DNAH11: variants seen among roughly 807,000 people sequenced by gnomAD.
DNAH11 encodes the protein axonemal beta dynein heavy chain 11.
DNAH11 carries 442 observed loss-of-function variants against 526.0 expected under a neutral mutation model. That is an observed-to-expected ratio of 0.84 (90% CI 0.78 to 0.91). DNAH11 has a LOEUF of 0.91. Ranked by LOEUF, DNAH11 falls within the 40% of genes least tolerant of loss-of-function variation. The pLI, the probability that DNAH11 is intolerant of heterozygous loss-of-function variation, is 0.00. For missense variants in DNAH11, 6,989 were observed against 5,448.7 expected, an observed-to-expected ratio of 1.28 and a Z score of -8.90; for synonymous variants, 2,461 against 1,935.9, an observed-to-expected ratio of 1.27 and a Z score of -7.12.
At chr7:21,706,262 A>G (rs1208177046) in intron 39 of DNAH11, among the ~76,000 whole-genome samples, 1 of 151,896 alleles carries the variant, frequency 6.6e-6, no homozygotes, top group Non-Finnish European at 1.5e-5. Flanking sequence ...CAGTCCTGGA[A>G]ACATACTTAT....
chr7:21,900,783 G>A, intron 81 of DNAH11: 1 of 475,978 alleles, frequency 2.1e-6, no homozygotes, highest in Non-Finnish European at 3.4e-6. Context: ...TACTTCCACA[G>A]GAAAGTTTAA....
rs1785082016 is a variant in DNAH11 at position 21,725,914 on chromosome 7, A to C, written c.7370A>C (p.Lys2457Thr). ...GTIFDYYVDH[K>T]TKKLLPWADK... ...ATCTTTGATTATTATGTGGACCACA[A>C]AACTAAGAAATTATTGCCCTGGGCT... The change falls in exon 45 of 82, where the codon AAA (lysine) becomes ACA (threonine). Residue 2457 changes from lysine (K) to threonine (T), a missense_variant. Physicochemically the swap from Lys to Thr is moderately conservative, Grantham distance 78. Coordinates refer to ENST00000409508, the MANE Select transcript of DNAH11 (RefSeq NM_001277115.2). 6.3e-7 allele frequency: 1 copy of C among 1,583,870 alleles called. No homozygotes were observed. Among genetic ancestry groups the C allele is most frequent in the Non-Finnish European group, 8.6e-7 (1 of 1,163,856 alleles).
At chr7:21,605,451 A>G (rs1250380437) in intron 18 of DNAH11, among the ~76,000 whole-genome samples, 3 of 152,212 alleles carry the variant, frequency 2.0e-5, no homozygotes, top group East Asian at 1.9e-4. Context: ...TCCTATTTGC[A>G]TTGTAGGCAG....
chr7:21,785,957 A>G (rs1423073667), intron 58 of DNAH11, among the ~76,000 whole-genome samples: 3 of 152,220 alleles, frequency 2.0e-5, no homozygotes, highest in Non-Finnish European at 4.4e-5. Flanking sequence ...ATCATGTATT[A>G]AATATCATAA....
Position 21,564,168 on chromosome 7 carries a change from G to A in DNAH11, c.983-18G>A, listed in dbSNP as rs2128433406. 6.5e-7 allele frequency: 1 copy of A among 1,527,526 alleles called. No homozygotes were observed. The allele number at this position is 1,527,526 out of a possible 1,614,324, so 94.6% of individuals were successfully genotyped here. Reference sequence around the variant, plus strand: ...AAAACAAACCAGAATCACGTTAATGGTGGTTCTTTGCTTTCAGCTCTTCTC... The same window carrying A: ...AAAACAAACCAGAATCACGTTAATGATGGTTCTTTGCTTTCAGCTCTTCTC... On this transcript the variant is annotated intron_variant, in intron 5 of 81. Transcript: ENST00000409508.
chr7:21,754,270 A>T (rs1314993568), intron 54 of DNAH11, among the ~76,000 whole-genome samples: 1 of 152,210 alleles, frequency 6.6e-6, no homozygotes, highest in Non-Finnish European at 1.5e-5. Context: ...TCAAAGAAGT[A>T]TCTACCTAGT....
In DNAH11 at chr7:21,786,691, T is replaced by G; in HGVS notation, c.9665T>G (p.Val3222Gly). 11 of 1,613,836 alleles carry G rather than the reference T, an allele frequency of 6.8e-6. No homozygotes were observed. Among genetic ancestry groups the G allele is most frequent in the Non-Finnish European group, 8.5e-6 (10 of 1,179,778 alleles). Residue 3222 changes from valine (V) to glycine (G), a missense_variant, in exon 59 of 82, where the codon GTG becomes GGG. Val to Gly is a moderately radical substitution (Grantham distance 109). Coordinates refer to ENST00000409508, the MANE Select transcript of DNAH11 (RefSeq NM_001277115.2). ...GCAGTTACCAATGTTACTGCAGCCGTGATGGTCCTTCTGGCTCCTCGGGGA... is the reference window on the plus strand; with the variant it reads ...GCAGTTACCAATGTTACTGCAGCCGGGATGGTCCTTCTGGCTCCTCGGGGA... Reference protein sequence around the residue: ...PIAVTNVTAAVMVLLAPRGRV... With the variant: ...PIAVTNVTAAGMVLLAPRGRV...
chr7:21,735,027 G>A (rs562889602), intron 45 of DNAH11, among the ~76,000 whole-genome samples: 211 of 151,900 alleles, frequency 1.4e-3, no homozygotes, highest in African/African-American at 4.9e-3. Context: ...AAAATTAGCC[G>A]GGCGTGGTGG....
intron 2 of DNAH11, among the ~76,000 whole-genome samples, chr7:21,548,202 C>T (rs1052952643): frequency 2.3e-5 from 3 of 129,400 alleles, no homozygotes; most frequent in African/African-American, 8.9e-5. Context: ...TTGGGAATGA[C>T]AACACTTCCC....
chr7:21,827,732 T>G (rs189940674), intron 65 of DNAH11, among the ~76,000 whole-genome samples: 3 of 152,200 alleles, frequency 2.0e-5, no homozygotes, highest in African/African-American at 7.2e-5. Context: ...AAAGTTATGC[T>G]AAGATTAAGA....
intron 54 of DNAH11, among the ~76,000 whole-genome samples, chr7:21,751,046 G>A (rs547838745): frequency 2.0e-5 from 3 of 152,192 alleles, no homozygotes; most frequent in African/African-American, 4.8e-5. Context: ...CAGATGGGCC[G>A]GGTGCAGTGG....
intron 36 of DNAH11, among the ~76,000 whole-genome samples, chr7:21,700,751 C>T (rs1311979911): frequency 2.0e-5 from 3 of 152,082 alleles, no homozygotes; most frequent in Non-Finnish European, 2.9e-5. Flanking sequence ...AAATATGGTA[C>T]ATATACACCA....
intron 42 of DNAH11, 48 bp downstream of exon 42, chr7:21,711,908 C>T (rs1025552383): frequency 3.2e-6 from 5 of 1,547,664 alleles, no homozygotes; most frequent in Non-Finnish European, 4.4e-6. Context: ...TGTAACATAA[C>T]ATTTACCATT....
chr7:21,854,314 G>A lies in DNAH11; in HGVS notation c.11062-1G>A. 1 of 1,613,566 alleles carries A rather than the reference G, an allele frequency of 6.2e-7. No homozygotes were observed. Among genetic ancestry groups the A allele is most frequent in the Non-Finnish European group, 8.5e-7 (1 of 1,179,732 alleles). Reference sequence around the variant, plus strand: ...ACTTATTTTGTTTGATCCCACCATAGGTGATTGAAGCCAAAGAAAATGAAA... The same window carrying A: ...ACTTATTTTGTTTGATCCCACCATAAGTGATTGAAGCCAAAGAAAATGAAA... On this transcript the variant is annotated splice_acceptor_variant, in intron 67 of 81. Coordinates refer to ENST00000409508, the MANE Select transcript of DNAH11 (RefSeq NM_001277115.2). LOFTEE classifies it high-confidence loss of function.
chr7:21,586,520 T>C (rs1015452640), intron 9 of DNAH11, among the ~76,000 whole-genome samples: 1 of 152,222 alleles, frequency 6.6e-6, no homozygotes, highest in African/African-American at 2.4e-5. Context: ...CCCTAAGGTA[T>C]AGTTATAGTT....
chr7:21,772,806 CAGG>C (rs1232886936), intron 55 of DNAH11, among the ~76,000 whole-genome samples: 1 of 152,160 alleles, frequency 6.6e-6, no homozygotes, highest in Non-Finnish European at 1.5e-5. Context: ...AGACATTGTT[CAGG>C]AGCAGTTGTT....
At chr7:21,890,492 A>G (rs1453706168) in intron 76 of DNAH11, among the ~76,000 whole-genome samples, 2 of 152,134 alleles carry the variant, frequency 1.3e-5, no homozygotes, top group Non-Finnish European at 2.9e-5. Context: ...TTTTTGATTT[A>G]TTAAGGACAG....
intron 63 of DNAH11, among the ~76,000 whole-genome samples, chr7:21,809,350 G>T (rs1789407384): frequency 6.6e-6 from 1 of 152,228 alleles, no homozygotes; most frequent in East Asian, 1.9e-4. Context: ...TTTTCACTCT[G>T]TTGGTTGTTT....
chr7:21,763,774 CTAGA>C (rs1394039677), intron 54 of DNAH11, among the ~76,000 whole-genome samples: 1 of 142,140 alleles, frequency 7.0e-6, no homozygotes, highest in African/African-American at 2.6e-5. Context: ...CAACAGGCAA[CTAGA>C]TAATGTGCTA....
Sources: allele counts gnomAD v4.1 joint callset (sites outside exome capture counted in the v4.1 genomes callset), GRCh38; gene constraint gnomAD v4.1.1; transcripts MANE v1.5; gene names NCBI Gene and HGNC (gene_info 2026-07-23, HGNC 2026-07-21).